The following CCNJL variants were observed in gnomAD, a reference collection of about 807,000 sequenced individuals.
CCNJL encodes cyclin-J-like protein.
In CCNJL, 33 loss-of-function variants were observed where a neutral mutation model predicts 33.4. That is an observed-to-expected ratio of 0.99 (90% confidence interval 0.75 to 1.32). The LOEUF is 1.32. Among genes scored for constraint, CCNJL ranks in the 40% most tolerant of loss-of-function variants. The pLI is 0.00. For synonymous variants in CCNJL, 227 were observed against 220.9 expected, an observed-to-expected ratio of 1.03 and a Z score of -0.24; for missense variants, 512 against 499.7, an observed-to-expected ratio of 1.02 and a Z score of -0.23.
At chr5:160,300,519 AC>A (rs769227553) in intron 2 of CCNJL, among the ~76,000 whole-genome samples, 2 of 152,180 alleles carry the variant, frequency 1.3e-5, no homozygotes, top group Non-Finnish European at 2.9e-5. Flanking sequence ...CTTTCTTAAA[AC>A]ATTATGAGAT....
intron 3 of CCNJL, among the ~76,000 whole-genome samples, chr5:160,262,954 C>T (rs1006115056): frequency 3.3e-5 from 5 of 152,188 alleles, no homozygotes; most frequent in South Asian, 4.1e-4. Context: ...AGACTTCAGG[C>T]GAGTCCCCTG....
rs578096957 is a variant in CCNJL at position 160,249,658 on chromosome 5, G to T, written c.*3720C>A. On this transcript the variant is annotated 3_prime_UTR_variant, in exon 6 of 6. Transcript: ENST00000257536. ...GGTGCCTGTAGTCCCAGCTACTCAG[G>T]AGGCTGAGGTGGGAGGATCACTTGA... The T allele has an allele frequency of 2.2e-4, 34 of 152,186 alleles. No homozygotes were observed. The highest frequency in any genetic ancestry group is 7.7e-4 in the African/African-American group (32 of 41,518). The allele number at this position is 152,186 out of a possible 1,614,324, so 9.4% of individuals were successfully genotyped here. A position where few individuals can be genotyped will look rare whatever the true frequency, so the allele number is the denominator to read the frequency against.
At chr5:160,313,171 C>T (rs926856778), upstream of CCNJL, among the ~76,000 whole-genome samples, 1 of 152,028 alleles carries the variant, frequency 6.6e-6, no homozygotes, top group Non-Finnish European at 1.5e-5. Flanking sequence ...TTTGCCGGGT[C>T]CGGTGGATGG....
intron 5 of CCNJL, chr5:160,254,434 C>G (rs1760963604): frequency 1.9e-6 from 1 of 536,610 alleles, no homozygotes; most frequent in Non-Finnish European, 3.3e-6. Context: ...CACCGACACT[C>G]AGACCAGGCT....
upstream of CCNJL, among the ~76,000 whole-genome samples, chr5:160,317,420 C>T (rs781215287): frequency 3.3e-5 from 5 of 152,282 alleles, no homozygotes; most frequent in Admixed American, 6.5e-5. Flanking sequence ...AAAATTTTAT[C>T]GTTGAACCTG....
In CCNJL at chr5:160,339,232, C is replaced by A. The variant is rs1219229633; in HGVS notation, n.206+213G>T. On this transcript the variant is annotated intron_variant and non_coding_transcript_variant, in intron 1 of 7. Coordinates refer to the CCNJL transcript ENST00000377503. ...AATAAAATCCAAGACATGGATAATACTTAAGAAATGTGCATATATATATAA... is the reference window on the plus strand; with the variant it reads ...AATAAAATCCAAGACATGGATAATAATTAAGAAATGTGCATATATATATAA... 2.0e-5 allele frequency among the ~76,000 whole-genome samples: 3 copies of A among 147,738 alleles called. No homozygotes were observed. The East Asian group carries it at 5.9e-4, about 29-fold the overall frequency.
chr5:160,331,385 G>A (rs1246749071), intron 1 of CCNJL, among the ~76,000 whole-genome samples: 6 of 151,760 alleles, frequency 4.0e-5, no homozygotes, highest in Non-Finnish European at 5.9e-5. Context: ...CACCACGCCC[G>A]GCTAATTTTT....
intron 2 of CCNJL, among the ~76,000 whole-genome samples, chr5:160,304,986 T>C (rs1178327599): frequency 1.3e-5 from 2 of 152,088 alleles, no homozygotes; most frequent in Non-Finnish European, 2.9e-5. Flanking sequence ...GCTATTTTTT[T>C]TGTATTTTTA....
At chr5:160,265,356 G>A (rs766876146) in intron 3 of CCNJL, among the ~76,000 whole-genome samples, 7 of 152,190 alleles carry the variant, frequency 4.6e-5, no homozygotes, top group Non-Finnish European at 7.4e-5. Flanking sequence ...ATGCAATGCC[G>A]GCCAGGTGTG....
intron 1 of CCNJL, among the ~76,000 whole-genome samples, chr5:160,336,242 C>T (rs1032058820): frequency 6.6e-6 from 1 of 152,200 alleles, no homozygotes; most frequent in Non-Finnish European, 1.5e-5. Flanking sequence ...ATGTCTGGAA[C>T]CTGTGAATGT....
At chr5:160,253,921 T>C (rs1423697539) in intron 5 of CCNJL, 123 bp from the exon 6 acceptor site, 12 of 677,896 alleles carry the variant, frequency 1.8e-5, no homozygotes, top group Non-Finnish European at 2.8e-5. Context: ...CACCAGGCCT[T>C]ACCTGGCTGT....
chr5:160,312,825 G>T (rs1325072085), upstream of CCNJL: 1 of 152,268 alleles, frequency 6.6e-6, no homozygotes, highest in Admixed American at 6.5e-5. Context: ...CCACCTGCGC[G>T]CACCACGCGT....
At chr5:160,292,304 A>G (rs1480275623) in intron 2 of CCNJL, among the ~76,000 whole-genome samples, 2 of 152,208 alleles carry the variant, frequency 1.3e-5, no homozygotes, top group Admixed American at 1.3e-4. Flanking sequence ...ATCTCTATAC[A>G]TACAGATAGA....
rs1311680775 is a variant in CCNJL, at chr5:160,321,022, CTT to C, written n.207-5519_207-5518del. On this transcript the variant is annotated intron_variant and non_coding_transcript_variant, in intron 1 of 7. Coordinates refer to the CCNJL transcript ENST00000377503. Reference sequence around the variant, plus strand: ...TCTCTCTCTCTCTCTCTCTTTCTTTCTTTCTTTCTTTCTTTCTTTCTTTCTTT... The same window carrying C: ...TCTCTCTCTCTCTCTCTCTTTCTTTCTCTTTCTTTCTTTCTTTCTTTCTTT... Among the ~76,000 whole-genome samples, 3 of 19,438 alleles carry C rather than the reference CTT, an allele frequency of 1.5e-4. 1 individual carries two copies. The highest frequency in any genetic ancestry group is 6.8e-4 in the African/African-American group (3 of 4,398). 12.8% of individuals were successfully genotyped at this position (19,438 alleles called of 152,430 possible). A position where few individuals can be genotyped will look rare whatever the true frequency, so the allele number is the denominator to read the frequency against.
At chr5:160,260,617 C>G (rs551619606) in intron 3 of CCNJL, among the ~76,000 whole-genome samples, 17 of 152,210 alleles carry the variant, frequency 1.1e-4, no homozygotes, top group Admixed American at 5.2e-4. Flanking sequence ...GACTCAGGGG[C>G]TGGTGGGGGG....
chr5:160,263,325 A>G (rs1761430215), intron 3 of CCNJL, among the ~76,000 whole-genome samples: 1 of 152,224 alleles, frequency 6.6e-6, no homozygotes, highest in African/African-American at 2.4e-5. Context: ...ATTTTCTAAT[A>G]TTCAGTCCAC....
At chr5:160,286,850 G>T (rs1580987789) in intron 2 of CCNJL, among the ~76,000 whole-genome samples, 2 of 152,068 alleles carry the variant, frequency 1.3e-5, no homozygotes, top group South Asian at 2.1e-4. Flanking sequence ...CACTTCCTAA[G>T]ACTTCTCTGA....
At chr5:160,305,758 C>T (rs1763075800) in intron 2 of CCNJL, among the ~76,000 whole-genome samples, 1 of 152,166 alleles carries the variant, frequency 6.6e-6, no homozygotes, top group African/African-American at 2.4e-5. Context: ...CTTGCAGTTT[C>T]TTGTCTGTAA....
Position 160,254,171 on chromosome 5 carries a change from C to T in CCNJL, c.744-373G>A, listed in dbSNP as rs1212998798. ...GGCGCCTGCTTGTGCTCACCAATGC[C>T]TTCCCATCCCCTGGCACTGGAGTGT... On this transcript the variant is annotated intron_variant, in intron 5 of 5. Transcript: ENST00000257536. 2.1e-5 allele frequency: 10 copies of T among 484,120 alleles called. No homozygotes were observed. In the South Asian group the frequency reaches 4.0e-4, roughly 19 times the overall value. The allele number at this position is 484,120 out of a possible 1,614,324, so 30.0% of individuals were successfully genotyped here.
Sources: gnomAD v4.1 joint callset for allele counts (sites outside exome capture counted in the v4.1 genomes callset) on GRCh38, gnomAD v4.1.1 for gene constraint, MANE v1.5 for transcripts, NCBI Gene and HGNC (gene_info 2026-07-23, HGNC 2026-07-21) for gene names.